EIF4A2: variants seen among roughly 807,000 people sequenced by gnomAD.
EIF4A2 encodes eukaryotic translation initiation factor 4A2, also known as eukaryotic initiation factor 4A-II.
EIF4A2 carries 9 observed loss-of-function variants against 50.6 expected under a neutral mutation model. The observed-to-expected ratio is 0.18, with a 90% CI of 0.11 to 0.31. The LOEUF (loss-of-function observed/expected upper bound fraction) is 0.31. EIF4A2 is among the 10% of genes least tolerant of loss of function. The pLI is 1.00. For missense variants in EIF4A2, 182 were observed against 501.8 expected (o/e 0.36, Z 6.09); for synonymous variants, 215 against 164.4 (o/e 1.31, Z -2.35).
intron 10 of EIF4A2, chr3:186,788,309 GGAGTC>G (rs1365838074): frequency 9.3e-6 from 12 of 1,290,618 alleles, no homozygotes; most frequent in African/African-American, 1.5e-5. Flanking sequence ...AAAAAATACA[GGAGTC>G]GATAGCAGCA....
At chr3:186,783,774 C>T in intron 1 of EIF4A2, 135 bp downstream of exon 1, 1 of 1,396,358 alleles carries the variant, frequency 7.2e-7, no homozygotes, top group Non-Finnish European at 1.0e-6. Flanking sequence ...TGTGCCCTTC[C>T]AGAAGCTTCC....
rs1231352279 is a variant in EIF4A2, at chr3:186,786,480, A to G, written c.628-22A>G. The G allele has an allele frequency of 3.7e-6, 6 of 1,609,468 alleles. 1 individual carries two copies. Among genetic ancestry groups the G allele is most frequent in the Middle Eastern group, 4.5e-4 (2 of 4,458 alleles). Reference sequence around the variant, plus strand: ...GGTATTAATGTGTAAGTTGTGCTACAACATAATTTTCTCTTTTTAAGGTTG... The same window carrying G: ...GGTATTAATGTGTAAGTTGTGCTACGACATAATTTTCTCTTTTTAAGGTTG... On this transcript the variant is annotated intron_variant, in intron 6 of 10. Transcript: ENST00000323963.
intron 9 of EIF4A2, 60 bp downstream of exon 9, chr3:186,787,644 T>C (rs745314751): frequency 1.9e-6 from 3 of 1,608,910 alleles, no homozygotes; most frequent in Non-Finnish European, 2.6e-6. Flanking sequence ...GGGGCAGGTT[T>C]TTAAGTAACC....
chr3:186,784,739 A>G, intron 3 of EIF4A2, 43 bp downstream of exon 3: 3 of 1,611,420 alleles, frequency 1.9e-6, no homozygotes, highest in Non-Finnish European at 2.5e-6. Context: ...CTACATAGAC[A>G]TGAACCATAA....
chr3:186,787,470 T>TG (rs1259706398), intron 8 of EIF4A2, 25 bp from the exon 9 acceptor site: 3 of 1,611,472 alleles, frequency 1.9e-6, no homozygotes, highest in Non-Finnish European at 2.5e-6. Context: ...TGGTGATTCT[T>TG]GAATTAAGGT....
intron 10 of EIF4A2, chr3:186,788,129 T>C (rs940200409): frequency 1.5e-6 from 1 of 658,220 alleles, no homozygotes; most frequent in African/African-American, 1.8e-5. Context: ...TGCTTGAGCT[T>C]TTAGTGATGT....
intron 1 of EIF4A2, chr3:186,784,229 G>C: frequency 1.5e-6 from 1 of 683,822 alleles, no homozygotes; most frequent in Non-Finnish European, 2.4e-6. Context: ...CCATGCGCTC[G>C]GGCCTGGGGG....
At chr3:186,784,862 CTTGA>C (rs775303809) in intron 3 of EIF4A2, 96 bp from the exon 4 acceptor site, 6 of 1,604,630 alleles carry the variant, frequency 3.7e-6, no homozygotes, top group Non-Finnish European at 4.3e-6. Context: ...TTGCTGATCA[CTTGA>C]TTATTTGGGC....
rs774354910 is a variant in EIF4A2 at position 186,783,610 on chromosome 3, C to G, written c.-1C>G. On this transcript the variant is annotated 5_prime_UTR_variant, in exon 1 of 11. It adds an upstream start codon to the 5' untranslated region. Transcript: ENST00000323963. ...TCGGGCGCTGAGTGGTTTTTCGGAT[C>G]ATGTCTGGTGGCTCCGCGGATTATA... is the stretch of plus-strand genomic sequence containing the variant. 5 of 1,614,128 alleles carry G rather than the reference C, an allele frequency of 3.1e-6. No homozygotes were observed. The highest frequency in any genetic ancestry group is 1.1e-5 in the South Asian group (1 of 91,080).
chr3:186,785,189 A>G (rs898038263), intron 4 of EIF4A2, 88 bp downstream of exon 4: 28 of 1,562,334 alleles, frequency 1.8e-5, no homozygotes, highest in Non-Finnish European at 2.3e-5. Context: ...CTTAGTATAA[A>G]TTGGTCCTAC....
intron 6 of EIF4A2, 58 bp from the exon 7 acceptor site, chr3:186,786,444 A>G (rs1313685148): frequency 3.1e-6 from 5 of 1,589,210 alleles, no homozygotes; most frequent in African/African-American, 2.7e-5. Flanking sequence ...GGCTTCAGAC[A>G]TTTTCCTTTG....
intron 10 of EIF4A2, chr3:186,788,333 C>T (rs892954674): frequency 7.0e-6 from 9 of 1,289,716 alleles, no homozygotes; most frequent in South Asian, 4.9e-5. Flanking sequence ...CAGTTGGTGA[C>T]GAGATGGCAC....
chr3:186,789,739 T>TA lies in EIF4A2; in HGVS notation c.*471dup. ...AATGCATTTTGTTTGGTATTGTATTTATTCAATAAAGTATTTAATTAGTGC... is the reference window on the plus strand; with the variant it reads ...AATGCATTTTGTTTGGTATTGTATTTAATTCAATAAAGTATTTAATTAGTGC... On this transcript the variant is annotated 3_prime_UTR_variant, in exon 11 of 11. Coordinates refer to ENST00000323963, the MANE Select transcript of EIF4A2 (RefSeq NM_001967.4). 2.2e-6 allele frequency: 1 copy of TA among 458,188 alleles called. No individual in the cohort carries two copies. Among genetic ancestry groups the TA allele is most frequent in the Non-Finnish European group, 3.9e-6 (1 of 258,174 alleles). 28.4% of individuals were successfully genotyped at this position (458,188 alleles called of 1,614,324 possible).
chr3:186,787,631 T>TA (rs1560086271), intron 9 of EIF4A2, 47 bp downstream of exon 9: 1 of 1,612,286 alleles, frequency 6.2e-7, no homozygotes, highest in African/African-American at 1.3e-5. Flanking sequence ...GTTAGCTTTT[T>TA]GGGGGGCAGG....
intron 9 of EIF4A2, 32 bp downstream of exon 9, chr3:186,787,616 C>G: frequency 6.2e-7 from 1 of 1,613,146 alleles, no homozygotes; most frequent in Non-Finnish European, 8.5e-7. Context: ...AAAAATCTAC[C>G]AAAAGTTAGC....
intron 10 of EIF4A2, 28 bp downstream of exon 10, chr3:186,787,910 G>GA (rs1022213125): frequency 5.6e-6 from 9 of 1,607,322 alleles, no homozygotes; most frequent in African/African-American, 1.3e-5. Flanking sequence ...TGGCTGTATT[G>GA]AAAAAAATTC....
intron 7 of EIF4A2, 115 bp from the exon 8 acceptor site, chr3:186,787,012 G>A: frequency 1.4e-6 from 2 of 1,429,566 alleles, no homozygotes; most frequent in African/African-American, 1.4e-5. Context: ...TAAGTGCTAG[G>A]ATCCCAAAGG....
At position 186,785,342 on chromosome 3, in the gene EIF4A2, T is replaced by G. The variant is rs568003079; in HGVS notation, c.348+241T>G. The G allele has an allele frequency of 1.5e-5, 8 of 529,032 alleles. No individual in the cohort carries two copies. In the East Asian group the frequency reaches 2.6e-4, roughly 17 times the overall value. The allele number at this position is 529,032 out of a possible 1,614,324, so 32.8% of individuals were successfully genotyped here. On this transcript the variant is annotated intron_variant, in intron 4 of 10. Coordinates refer to ENST00000323963, the MANE Select transcript of EIF4A2 (RefSeq NM_001967.4). ...CGCTCTCTTGGATGTACTAGATCTG[T>G]CCCCATTTTTTAAGTTTGAATGCAG...
chr3:186,787,621 G>A (rs1156740853), intron 9 of EIF4A2, 37 bp downstream of exon 9: 1 of 1,613,314 alleles, frequency 6.2e-7, no homozygotes, highest in Non-Finnish European at 8.5e-7. Flanking sequence ...TCTACCAAAA[G>A]TTAGCTTTTT....
Sources: allele counts gnomAD v4.1 joint callset, GRCh38; gene constraint gnomAD v4.1.1; transcripts MANE v1.5; gene names NCBI Gene and HGNC (gene_info 2026-07-23, HGNC 2026-07-21).